The following LEF1 variants were observed in gnomAD, a reference collection of about 807,000 sequenced individuals.
The protein encoded by LEF1 is lymphoid enhancer-binding factor 1.
Under a neutral mutation model 51.2 loss-of-function variants are expected in LEF1, and 14 were observed. The observed-to-expected ratio is 0.27, with a 90% CI of 0.18 to 0.43. The LOEUF is 0.43. LEF1 is among the 20% of genes least tolerant of loss of function. The pLI is 1.00. For synonymous variants in LEF1, 185 were observed against 183.2 expected, an observed-to-expected ratio of 1.01 and a Z score of -0.08; for missense variants, 386 against 512.0, an observed-to-expected ratio of 0.75 and a Z score of 2.37.
chr4:108,099,777 T>C (rs1740690640), intron 3 of LEF1, among the ~76,000 whole-genome samples: 1 of 151,528 alleles, frequency 6.6e-6, no homozygotes, highest in African/African-American at 2.4e-5. Flanking sequence ...CAAATATTTA[T>C]ATGACAACTA....
intron 3 of LEF1, among the ~76,000 whole-genome samples, chr4:108,146,650 G>T (rs571298628): frequency 1.3e-5 from 2 of 152,272 alleles, no homozygotes; most frequent in Admixed American, 1.3e-4. Flanking sequence ...TTCAGATTTG[G>T]AGTATCTGCA....
chr4:108,076,786 C>T (rs1265372676), intron 8 of LEF1, among the ~76,000 whole-genome samples: 1 of 151,790 alleles, frequency 6.6e-6, no homozygotes, highest in African/African-American at 2.4e-5. Flanking sequence ...TTTAGGAGGT[C>T]GAGGTGGGTG....
chr4:108,158,620 T>C (rs1360713088), intron 3 of LEF1, among the ~76,000 whole-genome samples: 1 of 152,036 alleles, frequency 6.6e-6, no homozygotes, highest in African/African-American at 2.4e-5. Flanking sequence ...GTCATGTCTA[T>C]GATACATAAA....
chr4:108,080,618 C>T (rs922979025), intron 6 of LEF1, among the ~76,000 whole-genome samples: 8 of 152,092 alleles, frequency 5.3e-5, no homozygotes, highest in African/African-American at 1.9e-4. Context: ...AGTTATTTGC[C>T]TGTGAGAGTT....
chr4:108,051,240 C>G (rs1736969929), intron 11 of LEF1, among the ~76,000 whole-genome samples: 1 of 152,012 alleles, frequency 6.6e-6, no homozygotes, highest in South Asian at 2.1e-4. Context: ...AGCAACTAAT[C>G]CCTTTCAGGG....
chr4:108,148,004 C>T (rs544325676), intron 3 of LEF1, among the ~76,000 whole-genome samples: 1 of 152,224 alleles, frequency 6.6e-6, no homozygotes, highest in South Asian at 2.1e-4. Flanking sequence ...AATTTAACAA[C>T]AACGATTTAA....
chr4:108,071,031 A>C, intron 8 of LEF1: 1 of 310,992 alleles, frequency 3.2e-6, no homozygotes, highest in Non-Finnish European at 5.9e-6. Context: ...TCAAAGTAAA[A>C]TGATCTCTGT....
chr4:108,110,505 C>A (rs1336893705), intron 3 of LEF1, among the ~76,000 whole-genome samples: 1 of 152,036 alleles, frequency 6.6e-6, no homozygotes, highest in African/African-American at 2.4e-5. Context: ...CACAATGGAG[C>A]TTTTTTCCCC....
In LEF1 at chr4:108,053,248, CTG is replaced by C. The variant is rs540501586; in HGVS notation, c.*7-4499_*7-4498del. ...AACTTTGAAATTTAAGTCCCTAAGACTGGAAATATAACCTACAAAAGCCAGCT... is the reference window on the plus strand; with the variant it reads ...AACTTTGAAATTTAAGTCCCTAAGACGAAATATAACCTACAAAAGCCAGCT... On this transcript the variant is annotated intron_variant, in intron 11 of 11. Transcript: ENST00000265165. Among the ~76,000 whole-genome samples, 13 of 152,254 alleles carry C rather than the reference CTG, an allele frequency of 8.5e-5. No individual in the cohort carries two copies. The South Asian group carries it at 2.7e-3, about 32-fold the overall frequency.
rs1481656849 is a variant in LEF1 at position 108,078,322 on chromosome 4, A to T, written c.906T>A (p.Pro302=). The T allele has an allele frequency of 6.2e-7, 1 of 1,613,984 alleles. No homozygotes were observed. Among genetic ancestry groups the T allele is most frequent in the African/African-American group, 1.3e-5 (1 of 74,884 alleles). ...TCATGTATAACATAAAAGCATTCAG[A>T]GGCTTCTTAATGTGAGGTCTTTTTG... ...QEPKRPHIKK[P]LNAFMLYMKE... is the part of the protein sequence containing the mutation. Residue 302 remains proline (P), a synonymous_variant, in exon 8 of 12, where the codon CCT becomes CCA. Coordinates refer to ENST00000265165, the MANE Select transcript of LEF1 (RefSeq NM_016269.5).
intron 3 of LEF1, among the ~76,000 whole-genome samples, chr4:108,098,204 C>T (rs1740517221): frequency 6.6e-6 from 1 of 152,178 alleles, no homozygotes; most frequent in African/African-American, 2.4e-5. Context: ...ACTGCCACCA[C>T]AGCCACACCT....
chr4:108,147,238 A>G (rs1364767766), intron 3 of LEF1, among the ~76,000 whole-genome samples: 1 of 152,076 alleles, frequency 6.6e-6, no homozygotes, highest in African/African-American at 2.4e-5. Context: ...CTCTACCACG[A>G]GATTAGCAAC....
In LEF1 at chr4:108,167,929, G is replaced by A. The variant is rs1745521419; in HGVS notation, c.-162C>T. 2.3e-6 allele frequency: 1 copy of A among 426,390 alleles called. No homozygotes were observed. 26.4% of individuals were successfully genotyped at this position (426,390 alleles called of 1,614,324 possible). On this transcript the variant is annotated 5_prime_UTR_variant, in exon 1 of 12. Coordinates refer to ENST00000265165, the MANE Select transcript of LEF1 (RefSeq NM_016269.5). This position sits in a 1 kb window ranked among gnomAD's most constrained non-coding sequence, Gnocchi z 5.7. The stretch of plus-strand genomic sequence containing the variant: ...GCGGGCGAGCGCGGGGCCGCCGGCC[G>A]GCAGCCGGAGCAGCTGCCGCGGCGC...
intron 3 of LEF1, among the ~76,000 whole-genome samples, chr4:108,120,182 C>T (rs926944891): frequency 6.6e-6 from 1 of 151,980 alleles, no homozygotes; most frequent in South Asian, 2.1e-4. Context: ...CAGGTATGTG[C>T]CACCACCCCC....
At chr4:108,052,438 T>A (rs183987133) in intron 11 of LEF1, among the ~76,000 whole-genome samples, 96 of 152,256 alleles carry the variant, frequency 6.3e-4, no homozygotes, top group Admixed American at 2.1e-3. Flanking sequence ...TTATGAGAGG[T>A]AAACAGATTC....
chr4:108,076,006 A>G (rs1188792627), intron 8 of LEF1, among the ~76,000 whole-genome samples: 1 of 122,276 alleles, frequency 8.2e-6, no homozygotes, highest in Non-Finnish European at 1.8e-5. Context: ...CGGTCCCCCA[A>G]AGGCCTTGCT....
intron 11 of LEF1, among the ~76,000 whole-genome samples, chr4:108,052,316 A>C (rs1381712762): frequency 6.6e-6 from 1 of 152,238 alleles, no homozygotes; most frequent in Non-Finnish European, 1.5e-5. Flanking sequence ...GTTGGAATAA[A>C]AGACCCTTTC....
At chr4:108,104,655 C>G in intron 3 of LEF1, 1 of 983,554 alleles carries the variant, frequency 1.0e-6, no homozygotes, top group Non-Finnish European at 1.2e-6. Flanking sequence ...CAGGTGACAC[C>G]CAAACTATCG....
rs1219865602 is a variant in LEF1 at position 108,082,887 on chromosome 4, T to C, written c.638+469A>G. On this transcript the variant is annotated intron_variant, in intron 5 of 11. Coordinates refer to ENST00000265165, the MANE Select transcript of LEF1 (RefSeq NM_016269.5). ...AACTCAAATTGGATGCTTACTTCAT[T>C]AACATCCAAAAAATGCTCTTATATT... Among the ~76,000 whole-genome samples, 5 of 152,318 alleles carry C rather than the reference T, an allele frequency of 3.3e-5. No individual in the cohort carries two copies. The East Asian group carries it at 9.6e-4, about 29-fold the overall frequency.
Sources: gnomAD v4.1 joint callset for allele counts (sites outside exome capture counted in the v4.1 genomes callset) on GRCh38, gnomAD v4.1.1 for gene constraint, Gnocchi (gnomAD v3.1) non-coding constraint, MANE v1.5 for transcripts, NCBI Gene and HGNC (gene_info 2026-07-23, HGNC 2026-07-21) for gene names.